Variants in ECE1 observed in about 807,000 individuals in gnomAD.
ECE1 encodes the protein endothelin-converting enzyme 1.
ECE1 carries 35 observed loss-of-function variants against 98.6 expected under a neutral mutation model. That is an observed-to-expected ratio of 0.35 (90% confidence interval 0.27 to 0.47). ECE1 has a LOEUF of 0.47. ECE1 is among the 20% of genes least tolerant of loss of function. The pLI is 1.00. For synonymous variants in ECE1, 394 were observed against 407.1 expected, an observed-to-expected ratio of 0.97 and a Z score of 0.39; for missense variants, 814 against 1,025.3, an observed-to-expected ratio of 0.79 and a Z score of 2.81.
Position 21,227,162 on chromosome 1 carries a change from G to C in ECE1, c.1846C>G (p.Gln616Glu). 6.2e-7 allele frequency: 1 copy of C among 1,613,952 alleles called. No individual in the cohort carries two copies. Among genetic ancestry groups the C allele is most frequent in the Non-Finnish European group, 8.5e-7 (1 of 1,179,934 alleles). Residue 616 changes from glutamine to glutamate, a missense_variant, in exon 16 of 19, where the codon CAA becomes GAA. By Grantham distance (29) the Gln-to-Glu change is conservative (BLOSUM62 2). This residue lies in a region of ECE1 where 452 missense variants were observed against 567.3 expected (regional missense o/e 0.80). Transcript: ENST00000374893. ...GHELTHAFDD[Q>E]GREYDKDGNL... ...CGTGCCCAGCTGGAATTCGTACCTT[G>C]ATCATCAAAAGCATGAGTCAGCTCA...
intron 1 of ECE1, among the ~76,000 whole-genome samples, chr1:21,312,122 CA>C (rs34057869): frequency 0.5 from 57,059 of 113,716 alleles, 13,104 homozygotes; most frequent in African/African-American, 0.65. Flanking sequence ...GATTCTGTCT[CA>C]AAAAAAAAAA....
chr1:21,244,935 T>C (rs2098201251), intron 10 of ECE1, 54 bp downstream of exon 10: 13 of 1,544,390 alleles, frequency 8.4e-6, no homozygotes, highest in Non-Finnish European at 1.2e-5. Flanking sequence ...ATAGACACCT[T>C]GGCATAAAGT....
At chr1:21,263,721 C>T (rs2098230128) in intron 4 of ECE1, among the ~76,000 whole-genome samples, 1 of 152,022 alleles carries the variant, frequency 6.6e-6, no homozygotes, top group South Asian at 2.1e-4. Flanking sequence ...TGAGGGGGCC[C>T]CGCCAGGAGT....
intron 10 of ECE1, among the ~76,000 whole-genome samples, chr1:21,243,296 GTA>G (rs2098198857): frequency 6.6e-6 from 1 of 151,992 alleles, no homozygotes; most frequent in African/African-American, 2.4e-5. Context: ...TCATCATTAT[GTA>G]AGTGAGTAGC....
chr1:21,275,327 G>A (rs1257115089), intron 3 of ECE1, among the ~76,000 whole-genome samples: 1 of 152,222 alleles, frequency 6.6e-6, no homozygotes, highest in African/African-American at 2.4e-5. Flanking sequence ...GGGCTCGGTG[G>A]CTCATGCCTG....
intron 2 of ECE1, 149 bp from the exon 3 acceptor site, chr1:21,279,481 G>C: frequency 6.6e-7 from 1 of 1,507,248 alleles, no homozygotes. Flanking sequence ...CACAGATTCA[G>C]CCCTAATCCA....
upstream of ECE1, chr1:21,290,471 GC>G: frequency 8.2e-7 from 1 of 1,225,204 alleles, no homozygotes; most frequent in African/African-American, 1.6e-5. The surrounding 1 kb of genome is among the most constrained non-coding windows in gnomAD (Gnocchi z 7.3). Context: ...GATGGGCCGG[GC>G]CAGGCGTTGC....
upstream of ECE1, among the ~76,000 whole-genome samples, chr1:21,290,667 C>A (rs1217336561): frequency 6.6e-6 from 1 of 152,196 alleles, no homozygotes; most frequent in African/African-American, 2.4e-5. This position sits in a 1 kb window ranked among gnomAD's most constrained non-coding sequence, Gnocchi z 7.3. Flanking sequence ...CACAGTGACC[C>A]CTCCTTCGAG....
chr1:21,330,131 T>C, intron 1 of ECE1, among the ~76,000 whole-genome samples: 1 of 130,310 alleles, frequency 7.7e-6, no homozygotes, highest in African/African-American at 3.0e-5. Context: ...ACTCACTAAA[T>C]ACTTTTTTTT....
chr1:21,285,144 G>A (rs899024387), intron 2 of ECE1, among the ~76,000 whole-genome samples: 3 of 152,162 alleles, frequency 2.0e-5, no homozygotes, highest in Non-Finnish European at 2.9e-5. Flanking sequence ...CCACCCAGAT[G>A]CCTGACTTTA....
intron 4 of ECE1, among the ~76,000 whole-genome samples, chr1:21,262,473 T>A (rs1164798927): frequency 6.6e-6 from 1 of 152,192 alleles, no homozygotes. Flanking sequence ...AGAATCGTCA[T>A]TGCTCCCCAG....
At chr1:21,289,928 G>T in intron 2 of ECE1, 142 bp downstream of exon 2, 1 of 1,103,862 alleles carries the variant, frequency 9.1e-7, no homozygotes, top group Non-Finnish European at 1.2e-6. Flanking sequence ...GCGGGGAGGC[G>T]CGGCCCCTCC....
In ECE1 at chr1:21,271,667, C is replaced by A. The variant is rs3026867; in HGVS notation, c.493+1032G>T. 2.6e-5 allele frequency among the ~76,000 whole-genome samples: 4 copies of A among 151,996 alleles called. No homozygotes were observed. The South Asian group carries it at 6.2e-4, about 24-fold the overall frequency. ...ACAGCACAGGTGTCATGATTTCACACTGGGGGAGGAGCCCAGTGGGCAGAC... is the reference window on the plus strand; with the variant it reads ...ACAGCACAGGTGTCATGATTTCACAATGGGGGAGGAGCCCAGTGGGCAGAC... On this transcript the variant is annotated intron_variant, in intron 4 of 18. Coordinates refer to ENST00000374893, the MANE Select transcript of ECE1 (RefSeq NM_001397.3).
chr1:21,245,125 G>A (rs768141084), intron 9 of ECE1, 22 bp from the exon 10 acceptor site: 2 of 1,601,278 alleles, frequency 1.2e-6, no homozygotes, highest in South Asian at 2.2e-5. Flanking sequence ...GGAGGCCAGA[G>A]AGGCTCAGGG....
chr1:21,282,604 A>T (rs974417450), intron 2 of ECE1, among the ~76,000 whole-genome samples: 2 of 148,174 alleles, frequency 1.3e-5, no homozygotes, highest in Admixed American at 7.1e-5. Context: ...AAAAAAAAAA[A>T]GAAAGAAAAG....
At chr1:21,247,111 G>A in intron 9 of ECE1, 110 bp downstream of exon 9, 4 of 1,508,716 alleles carry the variant, frequency 2.7e-6, no homozygotes, top group Admixed American at 1.7e-5. Context: ...GTAAAAGCCC[G>A]CCCAGGTCCC....
At chr1:21,332,743 AGGGGAG>A (rs1639227268) in intron 1 of ECE1, among the ~76,000 whole-genome samples, 1 of 4,254 alleles carries the variant, frequency 2.4e-4, no homozygotes, top group African/African-American at 1.1e-3. Context: ...AGGGGAGGGG[AGGGGAG>A]GGGAGGGGGA....
rs1311653480 is a variant in ECE1 at position 21,323,637 on chromosome 1, TAAAA to T, written c.3+21735_3+21738del. On this transcript the variant is annotated intron_variant, in intron 1 of 18. Coordinates refer to the ECE1 transcript ENST00000415912. ...GCACCCCGTCCCAAAAAACTAAAAA[TAAAA>T]TAAAATAAAATAAAATAAAATAAAA... Among the ~76,000 whole-genome samples the T allele has an allele frequency of 3.3e-4, 14 of 42,606 alleles. No homozygotes were observed. The African/African-American group carries it at 4.1e-3, about 12-fold the overall frequency. The allele number at this position is 42,606 out of a possible 152,430, so 28.0% of individuals were successfully genotyped here.
intron 1 of ECE1, among the ~76,000 whole-genome samples, chr1:21,339,615 A>G (rs537444710): frequency 6.0e-4 from 92 of 152,326 alleles, no homozygotes; most frequent in African/African-American, 1.7e-3. Context: ...CAGTCTTCCC[A>G]CTTGTCAAAC....
Sources: gnomAD v4.1 joint callset for allele counts (sites outside exome capture counted in the v4.1 genomes callset) on GRCh38, gnomAD v4.1.1 for gene constraint, gnomAD v4.1.1 regional missense constraint, Gnocchi (gnomAD v3.1) non-coding constraint, MANE v1.5 for transcripts, NCBI Gene and HGNC (gene_info 2026-07-23, HGNC 2026-07-21) for gene names.